PCDHA4: variants seen among roughly 807,000 people sequenced by gnomAD.
The protein encoded by PCDHA4 is protocadherin alpha 4.
Under a neutral mutation model 61.4 loss-of-function variants are expected in PCDHA4, and 49 were observed. The ratio of observed to expected loss-of-function variants is 0.80; its 90% CI spans 0.63 to 1.01. PCDHA4 has a LOEUF of 1.01. PCDHA4 is among the 50% of genes least tolerant of loss of function. The probability of loss-of-function intolerance (pLI) is 0.00; values close to 1 mark genes in which losing one functional copy is unlikely to be tolerated. For missense variants in PCDHA4, 1,254 were observed against 1,235.8 expected (o/e 1.01, Z -0.22); for synonymous variants, 590 against 550.3 (o/e 1.07, Z -1.01).
At chr5:140,994,515 C>T (rs1450335712) in intron 3 of PCDHA4, among the ~76,000 whole-genome samples, 1 of 150,120 alleles carries the variant, frequency 6.7e-6, no homozygotes, top group African/African-American at 2.5e-5. Flanking sequence ...ACAGCCTGGG[C>T]AACATGGCAA....
chr5:140,995,787 T>C (rs2097697894), intron 3 of PCDHA4, among the ~76,000 whole-genome samples: 1 of 152,152 alleles, frequency 6.6e-6, no homozygotes, highest in Non-Finnish European at 1.5e-5. Context: ...AGGTTTAAAA[T>C]TTGTCTCATG....
chr5:140,973,078 C>T (rs111586419), intron 1 of PCDHA4, among the ~76,000 whole-genome samples: 5,544 of 152,208 alleles, frequency 0.036, 303 homozygotes, highest in African/African-American at 0.12. Context: ...GTGGGCCCAG[C>T]TGGCACAACA....
intron 1 of PCDHA4, chr5:140,830,439 T>C (rs1771065522): frequency 1.9e-6 from 3 of 1,611,042 alleles, no homozygotes; most frequent in East Asian, 4.5e-5. Flanking sequence ...CCTATTATGA[T>C]GGGTAAGGCG....
intron 1 of PCDHA4, chr5:140,856,194 A>G (rs1299614347): frequency 1.3e-6 from 2 of 1,598,082 alleles, no homozygotes; most frequent in Non-Finnish European, 1.7e-6. Context: ...CGCATCGCGC[A>G]GGACCTGGGG....
intron 1 of PCDHA4, chr5:140,927,773 A>C (rs143568645): frequency 6.2e-7 from 1 of 1,614,078 alleles, no homozygotes; most frequent in Non-Finnish European, 8.5e-7. Flanking sequence ...GGGGAGGTGC[A>C]AGTAGCTGCT....
At chr5:140,824,615 T>G (rs1028534118) in intron 1 of PCDHA4, 1 of 126,010 alleles carries the variant, frequency 7.9e-6, no homozygotes, top group African/African-American at 3.7e-5. Flanking sequence ...TTAAAGTTTT[T>G]TTTTTTTTTT....
At chr5:140,979,257 C>T (rs1454477008) in intron 2 of PCDHA4, among the ~76,000 whole-genome samples, 1 of 152,194 alleles carries the variant, frequency 6.6e-6, no homozygotes, top group Non-Finnish European at 1.5e-5. Flanking sequence ...TATGTATTTT[C>T]TCCCATCAAA....
At chr5:140,870,692 T>C (rs1321391908) in intron 1 of PCDHA4, 2 of 1,612,828 alleles carry the variant, frequency 1.2e-6, no homozygotes, top group African/African-American at 1.3e-5. Flanking sequence ...CTGGAGCTGC[T>C]ACAGTTCCAG....
intron 1 of PCDHA4, chr5:140,867,574 C>T (rs1581813828): frequency 6.6e-6 from 1 of 152,044 alleles, no homozygotes; most frequent in East Asian, 1.9e-4. Context: ...TTCATATGCC[C>T]TTGCAGTATT....
At chr5:140,876,388 G>A in intron 1 of PCDHA4, 2 of 1,613,896 alleles carry the variant, frequency 1.2e-6, no homozygotes, top group Non-Finnish European at 1.7e-6. Context: ...TAGAATTTAT[G>A]GTGAACTGGA....
chr5:141,009,941 C>T lies in PCDHA4; in HGVS notation c.*4C>T, dbSNP rs976573218. On this transcript the variant is annotated 3_prime_UTR_variant, in exon 4 of 4. Coordinates refer to ENST00000530339, the MANE Select transcript of PCDHA4 (RefSeq NM_018907.4). ...GACTGACAACAGTGACCAGTGAGGT[C>T]CTCAAATGGAAACAAGCCACTTAGC... is the stretch of plus-strand genomic sequence containing the variant. 6.3e-7 allele frequency: 1 copy of T among 1,597,476 alleles called. No individual in the cohort carries two copies. The highest frequency in any genetic ancestry group is 1.4e-5 in the African/African-American group (1 of 73,558).
chr5:140,828,092 A>G (rs2150150860), intron 1 of PCDHA4: 2 of 1,598,744 alleles, frequency 1.3e-6, no homozygotes, highest in East Asian at 2.2e-5. Context: ...GGTATTTGAC[A>G]TGGTGTTTAC....
intron 2 of PCDHA4, among the ~76,000 whole-genome samples, chr5:140,980,886 C>T (rs2096909899): frequency 6.6e-6 from 1 of 152,062 alleles, no homozygotes; most frequent in South Asian, 2.1e-4. Context: ...TCGGTCTTTC[C>T]AGTCTTGGAC....
chr5:140,903,543 A>C (rs1309997907), intron 1 of PCDHA4, among the ~76,000 whole-genome samples: 2 of 152,206 alleles, frequency 1.3e-5, no homozygotes, highest in East Asian at 3.8e-4. Flanking sequence ...TAGAGCAAGA[A>C]ACTTTTCTAA....
At chr5:140,905,292 G>T (rs1394409672) in intron 1 of PCDHA4, among the ~76,000 whole-genome samples, 1 of 152,114 alleles carries the variant, frequency 6.6e-6, no homozygotes, top group African/African-American at 2.4e-5. Flanking sequence ...CTTGAATAAG[G>T]TGTCCTTTCC....
In PCDHA4 at chr5:140,830,646, T is replaced by C. The variant is rs1199441210; in HGVS notation, c.2385+21074T>C. 6.5e-6 allele frequency: 3 copies of C among 458,330 alleles called. No homozygotes were observed. In the Admixed American group the frequency reaches 1.3e-4, roughly 20 times the overall value. The allele number at this position is 458,330 out of a possible 1,614,324, so 28.4% of individuals were successfully genotyped here. On this transcript the variant is annotated intron_variant, in intron 1 of 3. Transcript: ENST00000530339. ...TCTTATTTTAATCTCTTTGCTTCTT[T>C]AATATTCATAATTTAAGTGAAATTA...
At chr5:140,888,557 T>G (rs2153424359) in intron 1 of PCDHA4, among the ~76,000 whole-genome samples, 1 of 152,366 alleles carries the variant, frequency 6.6e-6, no homozygotes, top group East Asian at 1.9e-4. Flanking sequence ...TTTATTCCTT[T>G]CAAGGCTTCA....
intron 1 of PCDHA4, among the ~76,000 whole-genome samples, chr5:140,945,974 A>C (rs887994156): frequency 6.6e-5 from 10 of 152,146 alleles, no homozygotes; most frequent in African/African-American, 2.2e-4. Flanking sequence ...AATAAAAGCA[A>C]AAATAGACTA....
chr5:140,978,704 G>A (rs1250477330), intron 1 of PCDHA4, among the ~76,000 whole-genome samples: 1 of 152,242 alleles, frequency 6.6e-6, no homozygotes, highest in African/African-American at 2.4e-5. Flanking sequence ...GCCAAAGGTG[G>A]CCTTTACAAG....
Sources: gnomAD v4.1 joint callset for allele counts (sites outside exome capture counted in the v4.1 genomes callset) on GRCh38, gnomAD v4.1.1 for gene constraint, MANE v1.5 for transcripts, NCBI Gene and HGNC (gene_info 2026-07-23, HGNC 2026-07-21) for gene names.